FGF12: variants seen among roughly 807,000 people sequenced by gnomAD.
FGF12 encodes the protein fibroblast growth factor 12.
In FGF12, 14 loss-of-function variants were observed where a neutral mutation model predicts 23.6. The observed-to-expected ratio is 0.59, with a 90% CI of 0.39 to 0.93. The LOEUF (loss-of-function observed/expected upper bound fraction) is 0.93, where lower values mean the gene tolerates loss of function less well. Among genes scored for constraint, FGF12 ranks in the 40% least tolerant of loss-of-function variants. The pLI, the probability that FGF12 is intolerant of heterozygous loss-of-function variation, is 0.00. For missense variants in FGF12, 175 were observed against 217.8 expected (o/e 0.80, Z 1.24); for synonymous variants, 62 against 77.3 (o/e 0.80, Z 1.04).
At chr3:192,148,686 G>A (rs1441740591) in intron 5 of FGF12, among the ~76,000 whole-genome samples, 1 of 152,164 alleles carries the variant, frequency 6.6e-6, no homozygotes, top group Admixed American at 6.5e-5. Flanking sequence ...GGTATAAGAA[G>A]TGACTATTAA....
At chr3:192,634,618 A>T (rs751115348) in intron 2 of FGF12, among the ~76,000 whole-genome samples, 1 of 152,140 alleles carries the variant, frequency 6.6e-6, no homozygotes, top group Non-Finnish European at 1.5e-5. Context: ...TGAGAGAGGA[A>T]GCCCCATACC....
At chr3:192,371,261 A>C (rs1265527535) in intron 2 of FGF12, among the ~76,000 whole-genome samples, 1 of 152,176 alleles carries the variant, frequency 6.6e-6, no homozygotes, top group Admixed American at 6.5e-5. Flanking sequence ...GAAACAAAAC[A>C]CCAGGGAGAG....
Position 192,683,245 on chromosome 3 carries a change from T to G in FGF12, c.13+43936A>C, listed in dbSNP as rs141249170. Reference sequence around the variant, plus strand: ...AAATCAGTGCAATCTTGTTGGGGATTGCGTCCTTAACCTGTGGAGTCAGTG... The same window carrying G: ...AAATCAGTGCAATCTTGTTGGGGATGGCGTCCTTAACCTGTGGAGTCAGTG... On this transcript the variant is annotated intron_variant, in intron 2 of 5. Transcript: ENST00000445105. 1.9e-3 allele frequency among the ~76,000 whole-genome samples: 295 copies of G among 152,328 alleles called. 1 individual carries two copies. The highest frequency in any genetic ancestry group is 6.7e-3 in the African/African-American group (279 of 41,574).
At chr3:192,339,218 A>G in intron 3 of FGF12, among the ~76,000 whole-genome samples, 1 of 152,316 alleles carries the variant, frequency 6.6e-6, no homozygotes, top group Middle Eastern at 3.4e-3. Context: ...GCCTCCTAAA[A>G]GTCCCAAAAG....
intron 2 of FGF12, among the ~76,000 whole-genome samples, chr3:192,444,419 T>A (rs1210379215): frequency 6.6e-6 from 1 of 152,174 alleles, no homozygotes; most frequent in African/African-American, 2.4e-5. Flanking sequence ...TTTGTCTTTT[T>A]TTTTATCTTG....
chr3:192,543,184 C>G (rs1348880545), intron 2 of FGF12, among the ~76,000 whole-genome samples: 1 of 152,172 alleles, frequency 6.6e-6, no homozygotes, highest in Admixed American at 6.5e-5. Context: ...ACCTGTTGCT[C>G]TATTCTACTG....
chr3:192,425,851 T>G (rs1721673992), intron 2 of FGF12, among the ~76,000 whole-genome samples: 1 of 152,190 alleles, frequency 6.6e-6, no homozygotes, highest in African/African-American at 2.4e-5. Context: ...AGTAATCAGA[T>G]TCATTCATTA....
intron 2 of FGF12, among the ~76,000 whole-genome samples, chr3:192,381,709 G>A (rs1025687081): frequency 1.3e-5 from 2 of 152,132 alleles, no homozygotes; most frequent in East Asian, 1.9e-4. Flanking sequence ...AAAAAATGAG[G>A]AGTAAAAAAT....
intron 2 of FGF12, among the ~76,000 whole-genome samples, chr3:192,552,000 G>T (rs1023467372): frequency 6.6e-6 from 1 of 151,918 alleles, no homozygotes; most frequent in African/African-American, 2.4e-5. Flanking sequence ...TATATGTAGA[G>T]ATATAGATAT....
intron 2 of FGF12, among the ~76,000 whole-genome samples, chr3:192,655,215 C>T (rs1371262752): frequency 6.6e-6 from 1 of 152,180 alleles, no homozygotes; most frequent in Non-Finnish European, 1.5e-5. Flanking sequence ...TCCTTATTAA[C>T]ACAATCTCTG....
intron 2 of FGF12, among the ~76,000 whole-genome samples, chr3:192,669,602 TAAAAAAAAAAAAAAAA>T (rs59897483): frequency 8.4e-5 from 5 of 59,526 alleles, no homozygotes; most frequent in African/African-American, 2.5e-4. Flanking sequence ...GACTCTGTCT[TAAAAAAAAAAAAAAAA>T]AAAAAAAAAA....
At chr3:192,644,795 A>G (rs1195843804) in intron 2 of FGF12, among the ~76,000 whole-genome samples, 1 of 152,148 alleles carries the variant, frequency 6.6e-6, no homozygotes, top group African/African-American at 2.4e-5. Context: ...GCTCATGTCT[A>G]GTGTTACAGA....
At chr3:192,642,278 G>C (rs757748960) in intron 2 of FGF12, among the ~76,000 whole-genome samples, 1 of 152,124 alleles carries the variant, frequency 6.6e-6, no homozygotes, top group Non-Finnish European at 1.5e-5. Context: ...GCATTACAGA[G>C]AGGGAAACCA....
At chr3:192,438,286 C>T (rs1722090029) in intron 2 of FGF12, among the ~76,000 whole-genome samples, 1 of 152,256 alleles carries the variant, frequency 6.6e-6, no homozygotes, top group African/African-American at 2.4e-5. Flanking sequence ...TGACCCTCTA[C>T]TCTTACCTCT....
intron 4 of FGF12, among the ~76,000 whole-genome samples, chr3:192,239,602 C>T (rs1244664042): frequency 6.6e-6 from 1 of 152,144 alleles, no homozygotes; most frequent in Admixed American, 6.5e-5. Context: ...CTGAGCTCTG[C>T]CTCTTCCTGT....
chr3:192,591,433 T>C (rs1028156911), intron 2 of FGF12, among the ~76,000 whole-genome samples: 3 of 151,814 alleles, frequency 2.0e-5, no homozygotes, highest in African/African-American at 7.2e-5. Context: ...AAGGTGCTTA[T>C]TGTTTTTCCT....
At chr3:192,372,835 A>T (rs9832266) in intron 2 of FGF12, among the ~76,000 whole-genome samples, 31,378 of 152,004 alleles carry the variant, frequency 0.21, 3,886 homozygotes, top group African/African-American at 0.32. Flanking sequence ...TGGCCGGGAG[A>T]GCTTTGCACC....
chr3:192,392,726 C>A (rs1247919423), intron 2 of FGF12, among the ~76,000 whole-genome samples: 1 of 151,942 alleles, frequency 6.6e-6, no homozygotes, highest in East Asian at 1.9e-4. Flanking sequence ...TAACCCACGA[C>A]CTTTTTAAGA....
chr3:192,214,222 A>C (rs1718077516), intron 4 of FGF12, among the ~76,000 whole-genome samples: 2 of 152,242 alleles, frequency 1.3e-5, no homozygotes, highest in Admixed American at 6.5e-5. Context: ...ACGTGAGATC[A>C]GTGTTATACT....
Sources: gnomAD v4.1 joint callset for allele counts (sites outside exome capture counted in the v4.1 genomes callset) on GRCh38, gnomAD v4.1.1 for gene constraint, MANE v1.5 for transcripts, NCBI Gene and HGNC (gene_info 2026-07-23, HGNC 2026-07-21) for gene names.